MYH10: variants seen among roughly 807,000 people sequenced by gnomAD.
MYH10 encodes the protein myosin heavy chain 10.
Under a neutral mutation model 257.8 loss-of-function variants are expected in MYH10, and 55 were observed. The observed-to-expected ratio is 0.21, with a 90% confidence interval of 0.17 to 0.27. The LOEUF (loss-of-function observed/expected upper bound fraction) is 0.27. Among genes scored for constraint, MYH10 ranks in the 10% least tolerant of loss-of-function variants. The pLI is 1.00. For synonymous variants in MYH10, 854 were observed against 921.7 expected, an observed-to-expected ratio of 0.93 and a Z score of 1.33; for missense variants, 1,631 against 2,500.6, an observed-to-expected ratio of 0.65 and a Z score of 7.42.
intron 6 of MYH10, among the ~76,000 whole-genome samples, chr17:8,570,820 A>T (rs2083307405): frequency 6.6e-6 from 1 of 152,180 alleles, no homozygotes; most frequent in Admixed American, 6.5e-5. Context: ...AAAAAAAAGA[A>T]CAAATATATG....
chr17:8,623,276 C>T lies in MYH10; in HGVS notation c.-30G>A. On this transcript the variant is annotated splice_region_variant and 5_prime_UTR_variant, in exon 2 of 43. Transcript: ENST00000360416. ...AATGGAACGATCCAAAAGCAATTGC[C>T]TCTAAGAGAAGAGGAGGAGGGCAAA... The T allele has an allele frequency of 6.5e-7, 1 of 1,547,350 alleles. No individual in the cohort carries two copies. Among genetic ancestry groups the T allele is most frequent in the Non-Finnish European group, 8.7e-7 (1 of 1,150,156 alleles).
rs1266209000 is a variant in MYH10, at chr17:8,554,098, C to T, written c.757-80G>A. The T allele has an allele frequency of 5.1e-6, 5 of 975,340 alleles. No individual in the cohort carries two copies. The East Asian group carries it at 1.2e-4, about 24-fold the overall frequency. 60.4% of individuals were successfully genotyped at this position (975,340 alleles called of 1,614,324 possible). On this transcript the variant is annotated intron_variant, in intron 7 of 42. Transcript: ENST00000360416. ...GAACACTAATAAACTAAGAAGACAA[C>T]AAGTATCCATGAATTAGTTACAATA...
At chr17:8,588,746 C>A (rs1045621778) in intron 4 of MYH10, among the ~76,000 whole-genome samples, 1 of 152,204 alleles carries the variant, frequency 6.6e-6, no homozygotes. Context: ...TAACACTGAG[C>A]ACACAGTACA....
chr17:8,485,169 T>C (rs1414954488), intron 36 of MYH10, among the ~76,000 whole-genome samples: 1 of 151,988 alleles, frequency 6.6e-6, no homozygotes, highest in Non-Finnish European at 1.5e-5. Flanking sequence ...GGATACAAGA[T>C]CAACATACAA....
Position 8,535,540 on chromosome 17 carries a change from C to A in MYH10, c.1780-39G>T, listed in dbSNP as rs905568640. The A allele has an allele frequency of 6.5e-7, 1 of 1,535,588 alleles. No homozygotes were observed. Reference sequence around the variant, plus strand: ...AAGCCAAAAGTGGTGAAATGGAGAACACAAAACCAAATGCAAAAACAAAAA... The same window carrying A: ...AAGCCAAAAGTGGTGAAATGGAGAAAACAAAACCAAATGCAAAAACAAAAA... On this transcript the variant is annotated intron_variant, in intron 15 of 42. Coordinates refer to ENST00000360416, the MANE Select transcript of MYH10 (RefSeq NM_001256012.3). This position sits in a 1 kb window ranked among gnomAD's most constrained non-coding sequence, Gnocchi z 4.3.
At chr17:8,598,847 T>C (rs1240411733) in intron 3 of MYH10, among the ~76,000 whole-genome samples, 8 of 151,968 alleles carry the variant, frequency 5.3e-5, no homozygotes, top group African/African-American at 1.7e-4. Context: ...GCTAGGACTA[T>C]AGAAGCATGC....
chr17:8,618,145 C>T (rs1350804872), intron 2 of MYH10, among the ~76,000 whole-genome samples: 1 of 152,002 alleles, frequency 6.6e-6, no homozygotes, highest in African/African-American at 2.4e-5. Flanking sequence ...AGCAGACTTA[C>T]AGATATTTAG....
intron 22 of MYH10, 34 bp from the exon 23 acceptor site, chr17:8,513,703 TCA>T (rs751016471): frequency 3.1e-5 from 50 of 1,600,212 alleles, no homozygotes; most frequent in Non-Finnish European, 4.2e-5. Flanking sequence ...TTTTTTTTTA[TCA>T]TTCCAGCTCT....
chr17:8,562,000 C>G (rs946343183), intron 7 of MYH10, among the ~76,000 whole-genome samples: 2 of 152,094 alleles, frequency 1.3e-5, no homozygotes, highest in Non-Finnish European at 2.9e-5. Flanking sequence ...TATTTGGTAA[C>G]CAATAAATCT....
Position 8,548,331 on chromosome 17 carries a change from A to T in MYH10, c.1141T>A (p.Ser381Thr). The change falls in exon 11 of 43, where the codon TCC becomes ACC. Residue 381 changes from serine to threonine, a missense_variant. By Grantham distance (58) the Ser-to-Thr change is moderately conservative (BLOSUM62 1). Transcript: ENST00000360416. Reference sequence around the variant, plus strand: ...AGTTTACCTGTATTTTCTGGCATGGAAGCTTGATCAGTATTTCTCTCCTTT... The same window carrying T: ...AGTTTACCTGTATTTTCTGGCATGGTAGCTTGATCAGTATTTCTCTCCTTT... ...FKKERNTDQA[S>T]MPENTVAQKL... is the part of the protein sequence containing the mutation. 6.2e-7 allele frequency: 1 copy of T among 1,611,774 alleles called. No individual in the cohort carries two copies. The highest frequency in any genetic ancestry group is 8.5e-7 in the Non-Finnish European group (1 of 1,178,420).
chr17:8,567,204 G>C (rs2083191772), intron 7 of MYH10, among the ~76,000 whole-genome samples: 1 of 152,188 alleles, frequency 6.6e-6, no homozygotes, highest in Non-Finnish European at 1.5e-5. Context: ...ATCCAGGAGA[G>C]TGACGGAAAG....
intron 3 of MYH10, among the ~76,000 whole-genome samples, chr17:8,590,873 C>CTTTTTT (rs398030291): frequency 0.023 from 2,040 of 90,044 alleles, 304 homozygotes; most frequent in African/African-American, 0.038. Flanking sequence ...TCAATGTCGC[C>CTTTTTT]TTTTTTTTTT....
At chr17:8,528,891 G>C (rs1002093904) in intron 17 of MYH10, among the ~76,000 whole-genome samples, 24 of 152,158 alleles carry the variant, frequency 1.6e-4, no homozygotes, top group African/African-American at 5.8e-4. Context: ...AGATGGATGG[G>C]CTTCCAAGGA....
chr17:8,489,739 A>ACACACACACACACACACC (rs1401430644), intron 35 of MYH10, among the ~76,000 whole-genome samples: 6 of 151,260 alleles, frequency 4.0e-5, no homozygotes, highest in African/African-American at 1.5e-4. Context: ...ACACACACAC[A>ACACACACACACACACACC]CACACACCCC....
chr17:8,609,642 T>C (rs2084949620), intron 2 of MYH10, among the ~76,000 whole-genome samples: 1 of 151,982 alleles, frequency 6.6e-6, no homozygotes, highest in Non-Finnish European at 1.5e-5. Flanking sequence ...TAAGGAATCA[T>C]CTGAAAACGT....
At chr17:8,529,935 G>C (rs560337135) in intron 17 of MYH10, among the ~76,000 whole-genome samples, 1 of 152,292 alleles carries the variant, frequency 6.6e-6, no homozygotes, top group South Asian at 2.1e-4. Flanking sequence ...TGAGGATTCA[G>C]ATCACAAAGC....
At chr17:8,584,936 C>T (rs760096956) in intron 4 of MYH10, among the ~76,000 whole-genome samples, 22 of 151,990 alleles carry the variant, frequency 1.4e-4, no homozygotes, top group African/African-American at 3.6e-4. Context: ...CTCCGCCTCC[C>T]GGGTTCAAGC....
At chr17:8,555,536 AAGGAC>A (rs2082764593) in intron 7 of MYH10, among the ~76,000 whole-genome samples, 1 of 152,242 alleles carries the variant, frequency 6.6e-6, no homozygotes. Flanking sequence ...TAGGGAAAGG[AAGGAC>A]AGTCTTTTCA....
Position 8,475,446 on chromosome 17 carries a change from T to C in MYH10, c.*358A>G, listed in dbSNP as rs73243284. On this transcript the variant is annotated 3_prime_UTR_variant, in exon 43 of 43. Transcript: ENST00000360416. ...ACAGAGAGCATGCAGAGCGACTGAG[T>C]GACGACCACGGCGCTGCCCCAATAA... The C allele has an allele frequency of 0.031, 6,304 of 205,264 alleles. 382 individuals carry two copies. Among genetic ancestry groups the C allele is most frequent in the African/African-American group, 0.13 (5,683 of 43,042 alleles). 12.7% of individuals were successfully genotyped at this position (205,264 alleles called of 1,614,324 possible).
Sources: gnomAD v4.1 joint callset for allele counts (sites outside exome capture counted in the v4.1 genomes callset) on GRCh38, gnomAD v4.1.1 for gene constraint, Gnocchi (gnomAD v3.1) non-coding constraint, MANE v1.5 for transcripts, NCBI Gene and HGNC (gene_info 2026-07-23, HGNC 2026-07-21) for gene names.